The following RAP1GAP2 variants were observed in gnomAD, a reference collection of about 807,000 sequenced individuals.
RAP1GAP2 encodes the protein rap1 GTPase-activating protein 2.
In RAP1GAP2, 27 loss-of-function variants were observed where a neutral mutation model predicts 95.0. The ratio of observed to expected loss-of-function variants is 0.28; its 90% CI spans 0.21 to 0.39. RAP1GAP2 has a LOEUF of 0.39. RAP1GAP2 is among the 10% of genes least tolerant of loss of function. RAP1GAP2 has a pLI of 1.00. For missense variants in RAP1GAP2, 771 were observed against 970.0 expected (o/e 0.79, Z 2.72); for synonymous variants, 373 against 380.9 (o/e 0.98, Z 0.24).
intron 2 of RAP1GAP2, among the ~76,000 whole-genome samples, chr17:2,872,936 C>G (rs2072908206): frequency 6.6e-6 from 1 of 151,840 alleles, no homozygotes; most frequent in South Asian, 2.1e-4. Flanking sequence ...AAGTGGGACT[C>G]TAGTAAAAAT....
At chr17:2,947,351 A>G (rs1014999948) in intron 3 of RAP1GAP2, among the ~76,000 whole-genome samples, 4 of 152,124 alleles carry the variant, frequency 2.6e-5, no homozygotes, top group Non-Finnish European at 5.9e-5. Flanking sequence ...AGGGTTGGCC[A>G]TCCAGGGTGA....
intron 11 of RAP1GAP2, among the ~76,000 whole-genome samples, chr17:2,990,347 G>A (rs2045708927): frequency 6.6e-6 from 1 of 152,110 alleles, no homozygotes; most frequent in Non-Finnish European, 1.5e-5. Context: ...ACTCTGTTTA[G>A]CCTTTGGCAC....
At chr17:2,939,963 C>T (rs918186895) in intron 3 of RAP1GAP2, among the ~76,000 whole-genome samples, 1 of 152,240 alleles carries the variant, frequency 6.6e-6, no homozygotes, top group Non-Finnish European at 1.5e-5. Flanking sequence ...AGTTGTCCAG[C>T]GTCAGCAGCA....
intron 2 of RAP1GAP2, among the ~76,000 whole-genome samples, chr17:2,876,238 C>T (rs1230618222): frequency 1.3e-5 from 2 of 152,058 alleles, no homozygotes; most frequent in Non-Finnish European, 2.9e-5. Context: ...CGCCTGGCTA[C>T]ATTGTTTTTA....
chr17:2,931,698 T>C (rs1051983453), intron 3 of RAP1GAP2, among the ~76,000 whole-genome samples: 8 of 152,242 alleles, frequency 5.3e-5, no homozygotes, highest in Admixed American at 4.6e-4. Context: ...GAAGCACTTA[T>C]TTAAGTAATC....
intron 2 of RAP1GAP2, among the ~76,000 whole-genome samples, chr17:2,852,542 C>G (rs900636276): frequency 9.2e-5 from 14 of 152,224 alleles, no homozygotes; most frequent in Non-Finnish European, 2.1e-4. Context: ...CCAGCATGGT[C>G]CCCTCCCTGC....
chr17:3,031,723 G>GT (rs2047310591), intron 23 of RAP1GAP2, among the ~76,000 whole-genome samples: 1 of 145,426 alleles, frequency 6.9e-6, no homozygotes, highest in African/African-American at 2.6e-5. Flanking sequence ...AGGTGGGAAG[G>GT]GCTGGTTCCT....
chr17:3,003,491 G>A lies in RAP1GAP2; in HGVS notation c.1201-1878G>A, dbSNP rs1567882088. 6.6e-6 allele frequency among the ~76,000 whole-genome samples: 1 copy of A among 152,124 alleles called. No individual in the cohort carries two copies. Among genetic ancestry groups the A allele is most frequent in the Non-Finnish European group, 1.5e-5 (1 of 68,032 alleles). The stretch of plus-strand genomic sequence containing the variant: ...CCCTCCCCGTTTCCCGTCACGACTT[G>A]TCTGTTGCTCGGACGATGCTCTGTG... On this transcript the variant is annotated intron_variant, in intron 14 of 24. Coordinates refer to ENST00000254695, the MANE Select transcript of RAP1GAP2 (RefSeq NM_015085.5). This position sits in a 1 kb window ranked among gnomAD's most constrained non-coding sequence, Gnocchi z 4.1.
At chr17:3,026,904 G>A (rs372133764) in intron 21 of RAP1GAP2, 40 bp from the exon 22 acceptor site, 196 of 1,539,918 alleles carry the variant, frequency 1.3e-4, no homozygotes, top group Middle Eastern at 8.7e-4. Flanking sequence ...CGCAGCTGCC[G>A]AGGGTGGGCT....
chr17:2,888,875 C>G (rs1383487931), intron 2 of RAP1GAP2, among the ~76,000 whole-genome samples: 1 of 149,496 alleles, frequency 6.7e-6, no homozygotes, highest in African/African-American at 2.5e-5. Context: ...GTTGCCCAGG[C>G]TGGTCTTGAA....
chr17:2,936,401 T>C (rs1366892924), intron 3 of RAP1GAP2, among the ~76,000 whole-genome samples: 1 of 151,738 alleles, frequency 6.6e-6, no homozygotes, highest in African/African-American at 2.4e-5. Flanking sequence ...TGCCAGGGGC[T>C]GTGGGCCTTC....
intron 8 of RAP1GAP2, among the ~76,000 whole-genome samples, chr17:2,967,369 TCAA>T (rs1352484457): frequency 2.0e-5 from 3 of 151,540 alleles, no homozygotes; most frequent in Non-Finnish European, 2.9e-5. Flanking sequence ...AGACTCTGTC[TCAA>T]CAACAACAAC....
chr17:2,846,445 C>T (rs1352952399), intron 2 of RAP1GAP2, among the ~76,000 whole-genome samples: 1 of 152,092 alleles, frequency 6.6e-6, no homozygotes, highest in Non-Finnish European at 1.5e-5. Flanking sequence ...GAATCTCACT[C>T]TGTCACTCAG....
At chr17:2,838,709 G>A (rs181113275) in intron 2 of RAP1GAP2, among the ~76,000 whole-genome samples, 151 of 152,256 alleles carry the variant, frequency 9.9e-4, no homozygotes, top group African/African-American at 3.3e-3. Flanking sequence ...GATGACATTT[G>A]GTGGTAAGAG....
At chr17:2,838,284 C>T (rs1206234849) in intron 2 of RAP1GAP2, among the ~76,000 whole-genome samples, 1 of 152,102 alleles carries the variant, frequency 6.6e-6, no homozygotes, top group Non-Finnish European at 1.5e-5. Context: ...TCCCAAAGTG[C>T]TGGGATTACA....
intron 1 of RAP1GAP2, among the ~76,000 whole-genome samples, chr17:2,784,496 C>G (rs953419813): frequency 6.7e-6 from 1 of 148,928 alleles, no homozygotes; most frequent in African/African-American, 2.5e-5. Flanking sequence ...GTCTTGAACT[C>G]CTGACCTCAA....
upstream of RAP1GAP2, among the ~76,000 whole-genome samples, chr17:2,795,127 G>C (rs536174701): frequency 6.6e-6 from 1 of 151,364 alleles, no homozygotes; most frequent in African/African-American, 2.4e-5. Context: ...ATCCACCCGC[G>C]TTGGCCTCCC....
At chr17:3,024,970 A>G (rs1464884875) in intron 19 of RAP1GAP2, among the ~76,000 whole-genome samples, 1 of 152,188 alleles carries the variant, frequency 6.6e-6, no homozygotes, top group Non-Finnish European at 1.5e-5. Context: ...CTAAAATCAG[A>G]TGGTGGTGAT....
At chr17:2,969,794 G>T (rs139766156) in intron 8 of RAP1GAP2, among the ~76,000 whole-genome samples, 4 of 151,800 alleles carry the variant, frequency 2.6e-5, no homozygotes, top group African/African-American at 9.7e-5. Context: ...GTGAGTCACC[G>T]CGTCTGGCCT....
Sources: gnomAD v4.1 joint callset for allele counts (sites outside exome capture counted in the v4.1 genomes callset) on GRCh38, gnomAD v4.1.1 for gene constraint, Gnocchi (gnomAD v3.1) non-coding constraint, MANE v1.5 for transcripts, NCBI Gene and HGNC (gene_info 2026-07-23, HGNC 2026-07-21) for gene names.